The following MRPL48 variants were observed in gnomAD, a reference collection of about 807,000 sequenced individuals.
The protein encoded by MRPL48 is mitochondrial ribosomal protein L48.
A neutral mutation model predicts 32.9 loss-of-function variants in MRPL48; 16 were observed. That is an observed-to-expected ratio of 0.49 (90% confidence interval 0.33 to 0.74). MRPL48 has a LOEUF of 0.74. MRPL48 is among the 30% of genes least tolerant of loss of function. The pLI is 0.02. For missense variants in MRPL48, 206 were observed against 245.3 expected (o/e 0.84, Z 1.07); for synonymous variants, 94 against 89.2 (o/e 1.05, Z -0.31).
At chr11:73,809,960 T>A (rs1947536641) in intron 3 of MRPL48, among the ~76,000 whole-genome samples, 1 of 152,208 alleles carries the variant, frequency 6.6e-6, no homozygotes. Context: ...CTCAAAATAA[T>A]GGGCTTCTTT....
At chr11:73,813,847 C>A (rs1439104635) in intron 3 of MRPL48, among the ~76,000 whole-genome samples, 2 of 151,808 alleles carry the variant, frequency 1.3e-5, no homozygotes, top group East Asian at 3.9e-4. Context: ...CAAGACCATC[C>A]TGGCTAACAT....
intron 1 of MRPL48, among the ~76,000 whole-genome samples, chr11:73,801,047 G>A (rs1947355133): frequency 6.6e-6 from 1 of 152,042 alleles, no homozygotes; most frequent in African/African-American, 2.4e-5. Context: ...CGGACCTCAG[G>A]TGATCCGCCC....
intron 2 of MRPL48, 44 bp downstream of exon 2, chr11:73,805,123 C>T: frequency 6.7e-7 from 1 of 1,497,520 alleles, no homozygotes; most frequent in Non-Finnish European, 9.1e-7. Flanking sequence ...TAACATTTGC[C>T]TTTGGCTTCA....
intron 4 of MRPL48, among the ~76,000 whole-genome samples, chr11:73,838,770 T>G (rs1354444666): frequency 6.6e-6 from 1 of 152,202 alleles, no homozygotes; most frequent in African/African-American, 2.4e-5. Flanking sequence ...TGGCCACCAC[T>G]GTTAAGAACT....
At chr11:73,823,706 C>T (rs956856938) in intron 3 of MRPL48, among the ~76,000 whole-genome samples, 7 of 146,240 alleles carry the variant, frequency 4.8e-5, no homozygotes, top group East Asian at 2.0e-4. Context: ...TTATGTTGCC[C>T]GGGCTGAAGT....
intron 5 of MRPL48, among the ~76,000 whole-genome samples, chr11:73,854,306 G>T (rs1948451889): frequency 6.6e-6 from 1 of 151,922 alleles, no homozygotes; most frequent in African/African-American, 2.4e-5. Context: ...GTTTGTTTGA[G>T]TCAGTCTTGC....
intron 5 of MRPL48, among the ~76,000 whole-genome samples, chr11:73,853,823 TG>T (rs1337983532): frequency 6.6e-6 from 1 of 151,326 alleles, no homozygotes; most frequent in Non-Finnish European, 1.5e-5. Context: ...CCCGAGTAGC[TG>T]GGACTACAGG....
At chr11:73,822,754 A>C (rs970288808) in intron 3 of MRPL48, among the ~76,000 whole-genome samples, 1 of 152,170 alleles carries the variant, frequency 6.6e-6, no homozygotes, top group Non-Finnish European at 1.5e-5. Context: ...GTGACCTGTT[A>C]GGAACCAGGC....
rs143821137 is a variant in MRPL48 at position 73,840,019 on chromosome 11, G to C, written c.202-4788G>C. Among the ~76,000 whole-genome samples, 195 of 151,062 alleles carry C rather than the reference G, an allele frequency of 1.3e-3. 2 individuals carry two copies. The East Asian group carries it at 0.022, about 17-fold the overall frequency. On this transcript the variant is annotated intron_variant, in intron 4 of 7. Transcript: ENST00000310614. Reference sequence around the variant, plus strand: ...AGGCTGAGGCGGGAGGATCACTTGAGACCCGGAGTTCCAGGCTGCAGTGAG... The same window carrying C: ...AGGCTGAGGCGGGAGGATCACTTGACACCCGGAGTTCCAGGCTGCAGTGAG...
chr11:73,858,496 T>C (rs1174830064), intron 5 of MRPL48, among the ~76,000 whole-genome samples: 1 of 152,170 alleles, frequency 6.6e-6, no homozygotes, highest in Admixed American at 6.5e-5. Flanking sequence ...CCATTACTTC[T>C]AAACTCCTGA....
rs1337729270 is a variant in MRPL48, at chr11:73,800,814, T to C, written c.22-4213T>C. On this transcript the variant is annotated intron_variant, in intron 1 of 7. Transcript: ENST00000310614. Reference sequence around the variant, plus strand: ...TGTCAACTCTTTTTTCTTTTTCTTTTTTTTTTTTTTTTTTGAGATGGAGTT... The same window carrying C: ...TGTCAACTCTTTTTTCTTTTTCTTTCTTTTTTTTTTTTTTGAGATGGAGTT... 3.7e-5 allele frequency among the ~76,000 whole-genome samples: 5 copies of C among 136,954 alleles called. 1 individual carries two copies. The highest frequency in any genetic ancestry group is 4.5e-4 in the South Asian group (2 of 4,494). 89.8% of individuals were successfully genotyped at this position (136,954 alleles called of 152,430 possible).
chr11:73,801,888 C>T (rs896975791), intron 1 of MRPL48, among the ~76,000 whole-genome samples: 1 of 152,184 alleles, frequency 6.6e-6, no homozygotes, highest in Non-Finnish European at 1.5e-5. Flanking sequence ...TTATTCACTT[C>T]TTTCTAATCA....
intron 3 of MRPL48, among the ~76,000 whole-genome samples, chr11:73,820,259 C>G (rs533085112): frequency 6.6e-6 from 1 of 152,176 alleles, no homozygotes; most frequent in Non-Finnish European, 1.5e-5. Context: ...GAGTCTCGCT[C>G]TGTTGCCCAG....
intron 3 of MRPL48, among the ~76,000 whole-genome samples, chr11:73,809,279 G>A (rs1947524874): frequency 2.0e-5 from 3 of 152,092 alleles, no homozygotes; most frequent in Admixed American, 2.0e-4. Context: ...AGGCCGAGGA[G>A]GGCGGATCAT....
In MRPL48 at chr11:73,798,104, C is replaced by CA. The variant is rs374939922; in HGVS notation, c.22-6922dup. Among the ~76,000 whole-genome samples the CA allele has an allele frequency of 4.0e-3, 609 of 151,882 alleles. 2 individuals are homozygous for CA. Among genetic ancestry groups the CA allele is most frequent in the African/African-American group, 0.014 (575 of 41,394 alleles). The stretch of plus-strand genomic sequence containing the variant: ...ACAATTTTTTTTTTCTTTTTTGAGA[C>CA]AGAGTCTCGCTCTGTCGCCCTGGAG... On this transcript the variant is annotated intron_variant, in intron 1 of 7. Transcript: ENST00000310614.
intron 4 of MRPL48, among the ~76,000 whole-genome samples, chr11:73,826,060 T>C (rs1358213734): frequency 1.3e-5 from 2 of 152,026 alleles, no homozygotes; most frequent in Admixed American, 1.3e-4. Flanking sequence ...CTCTGTCACC[T>C]AGGCTGGAGT....
At chr11:73,833,349 G>A (rs1355887883) in intron 4 of MRPL48, among the ~76,000 whole-genome samples, 1 of 151,250 alleles carries the variant, frequency 6.6e-6, no homozygotes, top group African/African-American at 2.4e-5. Context: ...TGCAGCCCCT[G>A]GGAGTCTTGC....
At chr11:73,816,779 T>C (rs1246914035) in intron 3 of MRPL48, among the ~76,000 whole-genome samples, 1 of 151,966 alleles carries the variant, frequency 6.6e-6, no homozygotes, top group East Asian at 1.9e-4. Context: ...TATATTTTAG[T>C]ATCTGGTAGC....
chr11:73,819,333 C>T (rs1458702539), intron 3 of MRPL48, among the ~76,000 whole-genome samples: 2 of 152,186 alleles, frequency 1.3e-5, no homozygotes, highest in African/African-American at 4.8e-5. Flanking sequence ...CTTTCACCTA[C>T]GATGTGTTAT....
Sources: allele counts gnomAD v4.1 joint callset (sites outside exome capture counted in the v4.1 genomes callset), GRCh38; gene constraint gnomAD v4.1.1; transcripts MANE v1.5; gene names NCBI Gene and HGNC (gene_info 2026-07-23, HGNC 2026-07-21).